The following QTGAL variants were observed in gnomAD, a reference collection of about 807,000 sequenced individuals.
QTGAL encodes the protein BGnT-like protein 1.
chr17:83,005,369 G>A, the QTGAL span, among the ~76,000 whole-genome samples: 219 of 152,304 alleles, frequency 1.4e-3, 1 homozygote, highest in Middle Eastern at 0.01. This position sits in a 1 kb window ranked among gnomAD's most constrained non-coding sequence, Gnocchi z 5.6. Context: ...GGAGTCGAGG[G>A]CGAGGAGGAG....
the QTGAL span, chr17:82,942,287 G>A: frequency 1.0e-6 from 1 of 981,448 alleles, no homozygotes; most frequent in Non-Finnish European, 1.5e-6. Flanking sequence ...GCACCTGTCA[G>A]CCACATAGCT....
At chr17:82,957,132 C>T in the QTGAL span, 1 of 1,609,186 alleles carries the variant, frequency 6.2e-7, no homozygotes, top group Non-Finnish European at 8.5e-7. Context: ...TCCCTCAGCC[C>T]CGGAGCAGGT....
At chr17:83,012,769 A>G in the QTGAL span, among the ~76,000 whole-genome samples, 3 of 152,120 alleles carry the variant, frequency 2.0e-5, no homozygotes, top group Non-Finnish European at 4.4e-5. Flanking sequence ...GTCCATCCCG[A>G]AGGACATTTT....
the QTGAL span, among the ~76,000 whole-genome samples, chr17:82,958,339 G>A: frequency 2.6e-5 from 4 of 152,168 alleles, no homozygotes; most frequent in South Asian, 2.1e-4. Flanking sequence ...TGCCCTGGCC[G>A]AGTCCTGGGA....
the QTGAL span, among the ~76,000 whole-genome samples, chr17:82,986,997 G>A: frequency 6.6e-5 from 10 of 152,166 alleles, no homozygotes; most frequent in African/African-American, 1.7e-4. Flanking sequence ...CCTTTCTCCT[G>A]CCCTGGAGTG....
the QTGAL span, among the ~76,000 whole-genome samples, chr17:83,025,606 C>T: frequency 2.0e-5 from 2 of 100,380 alleles, no homozygotes; most frequent in South Asian, 3.1e-4. Flanking sequence ...GAAGTCCACA[C>T]ACACACGGAC....
chr17:83,030,063 G>A, the QTGAL span, among the ~76,000 whole-genome samples: 10 of 152,142 alleles, frequency 6.6e-5, no homozygotes, highest in Admixed American at 2.0e-4. Flanking sequence ...AACGGGCCAC[G>A]CGTGAACAAA....
At chr17:82,967,202 T>C in the QTGAL span, among the ~76,000 whole-genome samples, 1 of 152,122 alleles carries the variant, frequency 6.6e-6, no homozygotes, top group Non-Finnish European at 1.5e-5. Flanking sequence ...CAACATATCA[T>C]TTTGGGGGGA....
the QTGAL span, chr17:82,942,801 C>T: frequency 2.4e-6 from 1 of 419,136 alleles, no homozygotes; most frequent in East Asian, 4.8e-5. Context: ...TGCACTCCTC[C>T]TGCCTGGAGA....
chr17:83,028,306 C>T, the QTGAL span, among the ~76,000 whole-genome samples: 3 of 151,462 alleles, frequency 2.0e-5, no homozygotes, highest in African/African-American at 4.9e-5. Flanking sequence ...GGGCGGATCA[C>T]GAGGTCAGGA....
the QTGAL span, chr17:82,944,759 C>G: frequency 6.6e-6 from 1 of 152,176 alleles, no homozygotes. Flanking sequence ...AGAGCAGAGA[C>G]CTTGGAGATC....
chr17:83,048,038 CTTTTTT>C, the QTGAL span, among the ~76,000 whole-genome samples: 8 of 149,990 alleles, frequency 5.3e-5, no homozygotes, highest in African/African-American at 2.0e-4. Context: ...CTCTCTTTCT[CTTTTTT>C]GAGATGGAGT....
chr17:83,005,633 G>T, the QTGAL span: 1 of 703,086 alleles, frequency 1.4e-6, no homozygotes. The surrounding 1 kb of genome is among the most constrained non-coding windows in gnomAD (Gnocchi z 5.6). Flanking sequence ...CAGGCCGCCC[G>T]TCTGAACCTG....
At chr17:82,942,474 G>A in the QTGAL span, 2 of 1,613,952 alleles carry the variant, frequency 1.2e-6, no homozygotes, top group East Asian at 2.2e-5. Flanking sequence ...AGCCAGTCCT[G>A]GAGCCCATAC....
At chr17:83,048,630 C>A in the QTGAL span, 3 of 1,606,306 alleles carry the variant, frequency 1.9e-6, no homozygotes, top group South Asian at 3.3e-5. Flanking sequence ...CCGTTGCTTA[C>A]ACTGGGGCTG....
chr17:83,002,714 A>C, the QTGAL span, among the ~76,000 whole-genome samples: 1 of 152,168 alleles, frequency 6.6e-6, no homozygotes, highest in South Asian at 2.1e-4. Context: ...AGTCTCACAG[A>C]AGCACAGTCC....
chr17:83,005,168 C>G, the QTGAL span: 2 of 1,610,644 alleles, frequency 1.2e-6, no homozygotes, highest in South Asian at 2.2e-5. This position sits in a 1 kb window ranked among gnomAD's most constrained non-coding sequence, Gnocchi z 5.6. Context: ...GTGTATCGTT[C>G]GGTGGAGTTA....
the QTGAL span, among the ~76,000 whole-genome samples, chr17:83,024,884 CG>C: frequency 2.6e-5 from 4 of 152,238 alleles, no homozygotes; most frequent in Non-Finnish European, 5.9e-5. Flanking sequence ...CCAGACACAT[CG>C]GCCGGCACAG....
the QTGAL span, chr17:82,946,776 C>T: frequency 1.6e-5 from 15 of 946,846 alleles, no homozygotes; most frequent in Non-Finnish European, 2.2e-5. Flanking sequence ...TGAACATAAG[C>T]AGAGGACTAA....
Sources: gnomAD v4.1 joint callset for allele counts (sites outside exome capture counted in the v4.1 genomes callset) on GRCh38, gnomAD v4.1.1 for gene constraint, Gnocchi (gnomAD v3.1) non-coding constraint, MANE v1.5 for transcripts, NCBI Gene and HGNC (gene_info 2026-07-23, HGNC 2026-07-21) for gene names.